Variants in TFB1M observed in about 807,000 individuals in gnomAD.
TFB1M encodes transcription factor B1, mitochondrial.
A neutral mutation model predicts 31.1 loss-of-function variants in TFB1M; 27 were observed. That is an observed-to-expected ratio of 0.87 (90% CI 0.64 to 1.20). TFB1M has a LOEUF of 1.20. Ranked by LOEUF, TFB1M falls within the 50% of genes most tolerant of loss-of-function variation. TFB1M has a pLI of 0.00. For synonymous variants in TFB1M, 166 were observed against 151.8 expected, an observed-to-expected ratio of 1.09 and a Z score of -0.69; for missense variants, 394 against 418.7, an observed-to-expected ratio of 0.94 and a Z score of 0.51.
chr6:155,284,854 G>T (rs1027107021), intron 5 of TFB1M, among the ~76,000 whole-genome samples: 9 of 152,118 alleles, frequency 5.9e-5, no homozygotes, highest in African/African-American at 2.2e-4. Flanking sequence ...GGGTGACCGT[G>T]TAACTTATCT....
chr6:155,296,984 ATCTGAGT>A lies in TFB1M; in HGVS notation c.508_514del (p.Thr170Ter). The A allele has an allele frequency of 6.2e-7, 1 of 1,614,036 alleles. No individual in the cohort carries two copies. The highest frequency in any genetic ancestry group is 8.5e-7 in the Non-Finnish European group (1 of 1,179,968). On this transcript the variant is annotated frameshift_variant, in exon 4 of 7. Transcript: ENST00000367166. LOFTEE classifies it high-confidence loss of function. The stretch of plus-strand genomic sequence containing the variant: ...CACTTCCTTTTGAAAAGTCAAAGTC[ATCTGAGT>A]TCTGCCATAAACAAAAGGTCCATCT...
At position 155,297,071 on chromosome 6, in the gene TFB1M, G is replaced by T; in HGVS notation, c.428C>A (p.Pro143His). 1 of 1,613,718 alleles carries T rather than the reference G, an allele frequency of 6.2e-7. No homozygotes were observed. Among genetic ancestry groups the T allele is most frequent in the Non-Finnish European group, 8.5e-7 (1 of 1,179,948 alleles). Residue 143 changes from proline (P) to histidine (H), a missense_variant, in exon 4 of 7, where the codon CCT becomes CAT. Physicochemically the swap from Pro to His is moderately conservative, Grantham distance 77. Transcript: ENST00000367166. The part of the protein sequence containing the change: ...PPNVHIIGNL[P>H]FSVSTPLIIK... ...AATCAGTGGAGTTGAAACACTAAAA[G>T]GCAGATTTCCAATAATATGTACATT...
chr6:155,241,527 C>CT, the TFB1M span, among the ~76,000 whole-genome samples: 1 of 152,166 alleles, frequency 6.6e-6, no homozygotes, highest in African/African-American at 2.4e-5. Flanking sequence ...TCTTCCAACT[C>CT]TGACGTGCTG....
rs1562407977 is a variant in TFB1M, at chr6:155,286,620, T to TGC, written c.547-1344_547-1343insGC. Among the ~76,000 whole-genome samples, 1,062 of 141,302 alleles carry TGC rather than the reference T, an allele frequency of 7.5e-3. 25 individuals carry two copies. The highest frequency in any genetic ancestry group is 0.027 in the African/African-American group (1,013 of 37,664). 92.7% of individuals were successfully genotyped at this position (141,302 alleles called of 152,430 possible). On this transcript the variant is annotated intron_variant, in intron 4 of 6. Transcript: ENST00000367166. Reference sequence around the variant, plus strand: ...GTATATATGTGTGTATATATATGTGTATATATGTGTGCATATATGTGTGTG... The same window carrying TGC: ...GTATATATGTGTGTATATATATGTGTGCATATATGTGTGCATATATGTGTGTG...
chr6:155,302,407 A>G (rs1003971387), intron 2 of TFB1M, among the ~76,000 whole-genome samples: 2 of 152,226 alleles, frequency 1.3e-5, no homozygotes, highest in Admixed American at 1.3e-4. Flanking sequence ...ATTCTTATAT[A>G]TAACACATAT....
chr6:155,244,014 T>C, the TFB1M span: 2 of 1,614,072 alleles, frequency 1.2e-6, no homozygotes, highest in Non-Finnish European at 8.5e-7. Context: ...CTTTCAGGAT[T>C]TGAGCTGCCT....
intron 2 of TFB1M, 188 bp downstream of exon 2, chr6:155,311,000 G>A (rs1480392464): frequency 3.1e-6 from 2 of 651,384 alleles, no homozygotes; most frequent in African/African-American, 3.6e-5. Flanking sequence ...CTCTGAGAGT[G>A]CTTGTTAAAA....
At chr6:155,300,209 T>C (rs1049716448) in intron 2 of TFB1M, among the ~76,000 whole-genome samples, 1 of 152,206 alleles carries the variant, frequency 6.6e-6, no homozygotes, top group Admixed American at 6.5e-5. Context: ...CAGAAATAAA[T>C]AGCTGAAACG....
At chr6:155,285,375 T>A (rs1776581691) in intron 4 of TFB1M, 98 bp from the exon 5 acceptor site, 1 of 1,450,238 alleles carries the variant, frequency 6.9e-7, no homozygotes, top group Non-Finnish European at 9.5e-7. Context: ...CTAGGTGGAC[T>A]TTTTGAGGCA....
chr6:155,245,527 T>C, the TFB1M span: 4 of 1,021,268 alleles, frequency 3.9e-6, no homozygotes, highest in South Asian at 1.4e-5. Flanking sequence ...ATTAGTGCTA[T>C]GGAATCTGAC....
At chr6:155,240,648 A>G in the TFB1M span, 1 of 1,614,046 alleles carries the variant, frequency 6.2e-7, no homozygotes, top group Non-Finnish European at 8.5e-7. Context: ...CACCTGTCTG[A>G]TGCAGACCGC....
At chr6:155,255,023 G>A (rs772355790), downstream of TFB1M, 9 of 156,256 alleles carry the variant, frequency 5.8e-5, no homozygotes, top group African/African-American at 1.7e-4. Context: ...AGTAGAAATC[G>A]TACTTCGAGT....
chr6:155,236,707 A>C, the TFB1M span, among the ~76,000 whole-genome samples: 4 of 152,196 alleles, frequency 2.6e-5, no homozygotes, highest in Admixed American at 2.0e-4. Context: ...CGTGGATGGC[A>C]GCAGGCAAAG....
At position 155,258,561 on chromosome 6, in the gene TFB1M, A is replaced by AAAT. The variant is rs1784232883; in HGVS notation, c.795-482_795-480dup. 7.2e-5 allele frequency among the ~76,000 whole-genome samples: 11 copies of AAAT among 152,308 alleles called. No homozygotes were observed. The South Asian group carries it at 2.3e-3, about 32-fold the overall frequency. On this transcript the variant is annotated intron_variant, in intron 6 of 6. Coordinates refer to ENST00000367166, the MANE Select transcript of TFB1M (RefSeq NM_016020.4). ...AAAAGTTTGAAAATAGCTGATAGGA[A>AAAT]AATATAATTATTCCTCTTGTTATTT...
At chr6:155,247,392 G>A in the TFB1M span, among the ~76,000 whole-genome samples, 11 of 151,998 alleles carry the variant, frequency 7.2e-5, no homozygotes, top group Middle Eastern at 3.2e-3. Flanking sequence ...GCAGTGGCGC[G>A]ATCTTGGCTC....
the TFB1M span, among the ~76,000 whole-genome samples, chr6:155,231,881 C>A: frequency 6.6e-6 from 1 of 152,208 alleles, no homozygotes; most frequent in East Asian, 1.9e-4. Context: ...TTGAGATCAG[C>A]CTGACCAACA....
At chr6:155,269,990 T>A (rs558681388) in intron 5 of TFB1M, among the ~76,000 whole-genome samples, 2 of 152,360 alleles carry the variant, frequency 1.3e-5, no homozygotes, top group East Asian at 3.9e-4. Context: ...GCTGAACTTC[T>A]ACCTCAGAGG....
rs913229074 is a variant in TFB1M at position 155,256,183 on chromosome 6, C to T, written c.*1653G>A. On this transcript the variant is annotated 3_prime_UTR_variant, in exon 7 of 7. Coordinates refer to ENST00000367166, the MANE Select transcript of TFB1M (RefSeq NM_016020.4). ...TATTACCAATTAACTTTTCAACTTA[C>T]TCCTTGGCAAAATAAGAATCTTAGC... is the stretch of plus-strand genomic sequence containing the variant. The T allele has an allele frequency of 1.8e-6, 1 of 540,710 alleles. No homozygotes were observed. Among genetic ancestry groups the T allele is most frequent in the African/African-American group, 2.0e-5 (1 of 51,166 alleles). The allele number at this position is 540,710 out of a possible 1,614,324, so 33.5% of individuals were successfully genotyped here. A position where few individuals can be genotyped will look rare whatever the true frequency, so the allele number is the denominator to read the frequency against.
Position 155,298,478 on chromosome 6 carries a change from A to G in TFB1M, c.393T>C (p.Asp131=). The change falls in exon 3 of 7, where the codon GAT becomes GAC. Residue 131 remains aspartate, a splice_region_variant and synonymous_variant. Coordinates refer to ENST00000367166, the MANE Select transcript of TFB1M (RefSeq NM_016020.4). ...FSESLKRPWE[D]DPPNVHIIGN... ...TTATAACTACCCAAAAGCACTCACC[A>G]TCTTCCCAGGGTCTTTTAAGACTTT... 1 of 1,558,124 alleles carries G rather than the reference A, an allele frequency of 6.4e-7. No individual in the cohort carries two copies. Among genetic ancestry groups the G allele is most frequent in the Non-Finnish European group, 8.9e-7 (1 of 1,129,280 alleles).
Sources: gnomAD v4.1 joint callset for allele counts (sites outside exome capture counted in the v4.1 genomes callset) on GRCh38, gnomAD v4.1.1 for gene constraint, MANE v1.5 for transcripts, NCBI Gene and HGNC (gene_info 2026-07-23, HGNC 2026-07-21) for gene names.